PLPPR1: variants seen among roughly 807,000 people sequenced by gnomAD.
PLPPR1 encodes the protein phospholipid phosphatase-related protein type 1.
A neutral mutation model predicts 33.1 loss-of-function variants in PLPPR1; 10 were observed. The observed-to-expected ratio is 0.30, with a 90% CI of 0.19 to 0.51. The LOEUF (loss-of-function observed/expected upper bound fraction) is 0.51. PLPPR1 is among the 20% of genes least tolerant of loss of function. PLPPR1 has a pLI of 0.97. For synonymous variants in PLPPR1, 151 were observed against 151.0 expected (o/e 1.00, Z 0.00); for missense variants, 304 against 408.1 (o/e 0.74, Z 2.20).
chr9:101,278,861 G>A (rs1828245284), intron 3 of PLPPR1, among the ~76,000 whole-genome samples: 1 of 152,102 alleles, frequency 6.6e-6, no homozygotes, highest in Non-Finnish European at 1.5e-5. Context: ...CCCAGGTTTT[G>A]GGCATACCCC....
chr9:101,143,462 G>A (rs4742807), intron 1 of PLPPR1, among the ~76,000 whole-genome samples: 111,379 of 152,050 alleles, frequency 0.73, 41,245 homozygotes, highest in African/African-American at 0.77. Context: ...TCTGCACAGC[G>A]AAATAAACTA....
chr9:101,100,299 T>G (rs1293144812), intron 1 of PLPPR1, among the ~76,000 whole-genome samples: 1 of 152,138 alleles, frequency 6.6e-6, no homozygotes, highest in Non-Finnish European at 1.5e-5. Flanking sequence ...TATTTTGCAA[T>G]GCAAAATTAT....
chr9:101,255,976 T>C (rs143553084), intron 2 of PLPPR1, among the ~76,000 whole-genome samples: 27 of 152,262 alleles, frequency 1.8e-4, no homozygotes, highest in African/African-American at 4.6e-4. Flanking sequence ...TTTGAGAAAG[T>C]TGTCCAAAGA....
At chr9:101,224,189 C>G (rs770312841) in intron 2 of PLPPR1, among the ~76,000 whole-genome samples, 16 of 152,096 alleles carry the variant, frequency 1.1e-4, no homozygotes, top group African/African-American at 3.9e-4. Flanking sequence ...TAGAAAACTT[C>G]TGCAAAAATG....
intron 1 of PLPPR1, among the ~76,000 whole-genome samples, chr9:101,094,425 G>T (rs949546767): frequency 6.6e-6 from 1 of 152,016 alleles, no homozygotes; most frequent in Non-Finnish European, 1.5e-5. Flanking sequence ...ACTCAAACAC[G>T]CCAGAGAAGC....
intron 1 of PLPPR1, among the ~76,000 whole-genome samples, chr9:101,120,367 A>AT (rs1347798370): frequency 1.3e-5 from 2 of 152,164 alleles, no homozygotes; most frequent in Non-Finnish European, 1.5e-5. Context: ...GGATGTCCAC[A>AT]TTTTTGTTCA....
At chr9:101,155,325 T>C (rs1180340624) in intron 1 of PLPPR1, among the ~76,000 whole-genome samples, 1 of 152,136 alleles carries the variant, frequency 6.6e-6, no homozygotes, top group Non-Finnish European at 1.5e-5. Flanking sequence ...AGAACAGAGA[T>C]TTATTTCTTG....
chr9:101,031,889 C>T (rs114260548), intron 1 of PLPPR1, among the ~76,000 whole-genome samples: 1,800 of 152,234 alleles, frequency 0.012, 40 homozygotes, highest in African/African-American at 0.042. Flanking sequence ...ATCTGGGTGA[C>T]ACCAGTTAAC....
At chr9:101,047,981 G>T (rs1450327268) in intron 1 of PLPPR1, among the ~76,000 whole-genome samples, 1 of 152,098 alleles carries the variant, frequency 6.6e-6, no homozygotes, top group Admixed American at 6.6e-5. Context: ...TGTATCTTGC[G>T]GTTTTCCTCA....
rs1384561346 is a variant in PLPPR1, at chr9:101,039,193, T to G, written c.-46+10091T>G. On this transcript the variant is annotated intron_variant, in intron 1 of 7. Coordinates refer to ENST00000374874, the MANE Select transcript of PLPPR1 (RefSeq NM_207299.2). ...TCTGAAAGCAGGATCATGTGGTGGT[T>G]AAGAGCTTGGACTAGAGCGTCAGAT... 2.6e-5 allele frequency among the ~76,000 whole-genome samples: 4 copies of G among 152,318 alleles called. No homozygotes were observed. In the East Asian group the frequency reaches 7.7e-4, roughly 29 times the overall value.
rs115840314 is a variant in PLPPR1, at chr9:101,043,600, A to G, written c.-46+14498A>G. 1.6e-3 allele frequency among the ~76,000 whole-genome samples: 242 copies of G among 152,114 alleles called. 1 individual carries two copies. Among genetic ancestry groups the G allele is most frequent in the African/African-American group, 5.5e-3 (230 of 41,504 alleles). ...TGCAATTGCGAATTTCGCTGCTATA[A>G]ACATGTTTGTGCAAGTATCTTTTTT... On this transcript the variant is annotated intron_variant, in intron 1 of 7. Coordinates refer to ENST00000374874, the MANE Select transcript of PLPPR1 (RefSeq NM_207299.2).
intron 4 of PLPPR1, among the ~76,000 whole-genome samples, chr9:101,294,240 A>G (rs1455667676): frequency 6.6e-6 from 1 of 151,980 alleles, no homozygotes; most frequent in Non-Finnish European, 1.5e-5. Context: ...CACCCTCCCA[A>G]GACTAAACCA....
intron 1 of PLPPR1, among the ~76,000 whole-genome samples, chr9:101,182,171 A>G (rs765170591): frequency 2.0e-5 from 3 of 151,768 alleles, no homozygotes; most frequent in Non-Finnish European, 4.4e-5. Context: ...GATTTCACTT[A>G]CATGTGGAAT....
In PLPPR1 at chr9:101,224,510, G is replaced by A. The variant is rs1011055277; in HGVS notation, c.63+38953G>A. 3.9e-5 allele frequency among the ~76,000 whole-genome samples: 6 copies of A among 152,130 alleles called. No individual in the cohort carries two copies. The East Asian group carries it at 5.8e-4, about 15-fold the overall frequency. The stretch of plus-strand genomic sequence containing the variant: ...CTTATAAAGTGGGCATCGTGGTGAC[G>A]GTTTCACTTCGGAAAGAAAACACAC... On this transcript the variant is annotated intron_variant, in intron 2 of 7. Coordinates refer to ENST00000374874, the MANE Select transcript of PLPPR1 (RefSeq NM_207299.2).
At chr9:101,193,071 T>C (rs996075737) in intron 2 of PLPPR1, among the ~76,000 whole-genome samples, 2 of 152,152 alleles carry the variant, frequency 1.3e-5, no homozygotes, top group Non-Finnish European at 2.9e-5. Context: ...TTCTTCAGAA[T>C]TGAGGCTCTA....
intron 2 of PLPPR1, among the ~76,000 whole-genome samples, chr9:101,197,159 T>C (rs1013795673): frequency 6.6e-6 from 1 of 152,190 alleles, no homozygotes; most frequent in South Asian, 2.1e-4. Context: ...CCCAGAGAAC[T>C]AGCCACCTTT....
intron 1 of PLPPR1, among the ~76,000 whole-genome samples, chr9:101,055,268 C>T (rs149260453): frequency 6.6e-6 from 1 of 152,258 alleles, no homozygotes; most frequent in Non-Finnish European, 1.5e-5. Flanking sequence ...TTAGTCTTTC[C>T]TCTCCTATGC....
chr9:101,066,883 C>A (rs1413828612), intron 1 of PLPPR1, among the ~76,000 whole-genome samples: 3 of 151,980 alleles, frequency 2.0e-5, no homozygotes, highest in Non-Finnish European at 4.4e-5. Flanking sequence ...GGGGTGGGTT[C>A]ATTGAATTTC....
At chr9:101,098,262 C>T (rs1453737010) in intron 1 of PLPPR1, among the ~76,000 whole-genome samples, 11 of 151,946 alleles carry the variant, frequency 7.2e-5, no homozygotes, top group Admixed American at 6.6e-4. Flanking sequence ...AAGTAAAATT[C>T]AATAGCACTC....
Sources: gnomAD v4.1 joint callset for allele counts (sites outside exome capture counted in the v4.1 genomes callset) on GRCh38, gnomAD v4.1.1 for gene constraint, MANE v1.5 for transcripts, NCBI Gene and HGNC (gene_info 2026-07-23, HGNC 2026-07-21) for gene names.